GRIA3: variants seen among roughly 807,000 people sequenced by gnomAD.
GRIA3 encodes glutamate ionotropic receptor AMPA type subunit 3.
GRIA3 carries 3 observed loss-of-function variants against 63.0 expected under a neutral mutation model. The observed-to-expected ratio is 0.05, with a 90% CI of 0.02 to 0.12. The LOEUF (loss-of-function observed/expected upper bound fraction) is 0.12, where lower values mean the gene tolerates loss of function less well. Ranked by LOEUF, GRIA3 falls within the 10% of genes least tolerant of loss-of-function variation. The pLI is 1.00. For synonymous variants in GRIA3, 274 were observed against 257.9 expected (o/e 1.06, Z -0.60); for missense variants, 347 against 700.9 (o/e 0.50, Z 5.70).
At chrX:123,394,871 G>C in intron 5 of GRIA3, 97 bp from the exon 6 acceptor site, 3 of 615,785 alleles carry the variant, frequency 4.9e-6, no homozygotes, top group South Asian at 4.7e-5. Flanking sequence ...AATGATCCTA[G>C]GGAAGGAGCT....
At chrX:123,401,069 A>G in intron 7 of GRIA3, among the ~76,000 whole-genome samples, 1 of 112,065 alleles carries the variant, frequency 8.9e-6, no homozygotes, top group East Asian at 2.8e-4. Context: ...ATAGATTATA[A>G]AAATGTTATG....
intron 2 of GRIA3, among the ~76,000 whole-genome samples, chrX:123,224,069 T>C (rs1376528392): frequency 8.9e-6 from 1 of 111,949 alleles, no homozygotes; most frequent in Non-Finnish European, 1.9e-5. Context: ...CTGTGGTTAG[T>C]TTTCAGTTCT....
intron 3 of GRIA3, among the ~76,000 whole-genome samples, chrX:123,315,414 C>A (rs1479975967): frequency 2.7e-5 from 3 of 112,099 alleles, no homozygotes; most frequent in Non-Finnish European, 5.6e-5. Flanking sequence ...CAAATTTAGA[C>A]AATCACTATA....
chrX:123,459,408 T>C lies in GRIA3; in HGVS notation c.2077-5457T>C, dbSNP rs943448370. On this transcript the variant is annotated intron_variant, in intron 12 of 15. Coordinates refer to ENST00000620443, the MANE Select transcript of GRIA3 (RefSeq NM_007325.5). ...ACTCACAGGGCCCAAGATTCAAATC[T>C]TCACATCAACAAAAAGACAGATTTC... is the stretch of plus-strand genomic sequence containing the variant. Among the ~76,000 whole-genome samples the C allele has an allele frequency of 8.0e-5, 9 of 112,021 alleles. No homozygotes were observed. In the Admixed American group the frequency reaches 8.5e-4, roughly 11 times the overall value.
chrX:123,390,375 G>A (rs2045378870), intron 5 of GRIA3, among the ~76,000 whole-genome samples: 1 of 111,823 alleles, frequency 8.9e-6, no homozygotes, highest in Non-Finnish European at 1.9e-5. Context: ...ATTTATGAAA[G>A]GCAACTTTCT....
At chrX:123,226,067 T>G (rs1023504494) in intron 2 of GRIA3, among the ~76,000 whole-genome samples, 2 of 111,417 alleles carry the variant, frequency 1.8e-5, no homozygotes, top group Admixed American at 1.9e-4. Flanking sequence ...GACAAACACT[T>G]ATAGTCTTTT....
At chrX:123,291,233 G>A (rs2044654022) in intron 3 of GRIA3, among the ~76,000 whole-genome samples, 1 of 111,465 alleles carries the variant, frequency 9.0e-6, no homozygotes, top group Admixed American at 9.6e-5. Context: ...AGCCTTGAAG[G>A]TGCTGGAAGC....
intron 3 of GRIA3, among the ~76,000 whole-genome samples, chrX:123,298,087 T>C (rs1267189977): frequency 8.9e-6 from 1 of 111,807 alleles, no homozygotes; most frequent in Non-Finnish European, 1.9e-5. Flanking sequence ...TGCTGCATAG[T>C]ATTGCATGGT....
intron 2 of GRIA3, among the ~76,000 whole-genome samples, chrX:123,228,857 G>C (rs1241204410): frequency 8.9e-6 from 1 of 111,852 alleles, no homozygotes. Flanking sequence ...ATTGCTGATG[G>C]AGTGAAGTTA....
chrX:123,380,132 G>A (rs148625068), intron 5 of GRIA3, among the ~76,000 whole-genome samples: 11,054 of 110,938 alleles, frequency 0.1, 504 homozygotes, highest in Non-Finnish European at 0.14. Flanking sequence ...ATAGCAGCAC[G>A]ATTTATAATC....
chrX:123,427,922 T>C lies in GRIA3; in HGVS notation c.1878-19T>C. The C allele has an allele frequency of 8.7e-7, 1 of 1,152,017 alleles. No homozygotes were observed. Among genetic ancestry groups the C allele is most frequent in the Non-Finnish European group, 1.2e-6 (1 of 841,391 alleles). The allele number at this position is 1,152,017 out of a possible 1,213,427, so 94.9% of individuals were successfully genotyped here. ...TCTGGCCCCTCTGGGTCTGGATTTG[T>C]TTTTGTTTTGTTTTATAGATCACTC... On this transcript the variant is annotated intron_variant, in intron 11 of 15. Coordinates refer to ENST00000620443, the MANE Select transcript of GRIA3 (RefSeq NM_007325.5).
intron 12 of GRIA3, among the ~76,000 whole-genome samples, chrX:123,432,393 T>C (rs986335410): frequency 8.9e-6 from 1 of 112,571 alleles, no homozygotes; most frequent in African/African-American, 3.2e-5. Flanking sequence ...TCCAATATTT[T>C]ATTTATACCA....
chrX:123,216,715 A>G (rs1312477609), intron 2 of GRIA3, among the ~76,000 whole-genome samples: 2 of 112,143 alleles, frequency 1.8e-5, no homozygotes, highest in African/African-American at 3.2e-5. Context: ...GGCTCTACGA[A>G]TAGCACAGAT....
At position 123,483,105 on chromosome X, in the gene GRIA3, TTTC is replaced by T. The variant is rs1254505454; in HGVS notation, c.*2+65_*2+67del. The stretch of plus-strand genomic sequence containing the variant: ...ACTTTACTGTATGTCAATCTCTTTT[TTTC>T]TTCTTTTTTTTTTTTTTTAGTTTGG... On this transcript the variant is annotated intron_variant, in intron 15 of 15. Transcript: ENST00000620443. The T allele has an allele frequency of 7.8e-5, 77 of 986,801 alleles. No individual in the cohort carries two copies. In the African/African-American group the frequency reaches 1.1e-3, roughly 14 times the overall value. 81.3% of individuals were successfully genotyped at this position (986,801 alleles called of 1,213,427 possible).
At chrX:123,247,453 TG>T (rs1478379822) in intron 2 of GRIA3, among the ~76,000 whole-genome samples, 1 of 111,342 alleles carries the variant, frequency 9.0e-6, no homozygotes, top group African/African-American at 3.3e-5. Context: ...GGAACGCAGC[TG>T]GGGAGCTACA....
Position 123,372,189 on chromosome X carries a change from G to T in GRIA3, c.750+17226G>T, listed in dbSNP as rs550747385. On this transcript the variant is annotated intron_variant, in intron 5 of 15. Transcript: ENST00000620443. ...TTTGTTGAAAATGAGTTAACTGTAG[G>T]TGTGTGGATTTGTTTCTGGGTTCTC... Among the ~76,000 whole-genome samples, 6 of 111,615 alleles carry T rather than the reference G, an allele frequency of 5.4e-5. No individual in the cohort carries two copies. The East Asian group carries it at 1.1e-3, about 21-fold the overall frequency.
chrX:123,456,864 T>C (rs2045764681), intron 12 of GRIA3, among the ~76,000 whole-genome samples: 1 of 111,539 alleles, frequency 9.0e-6, no homozygotes. Flanking sequence ...AAGTGTTCCG[T>C]TCAGGCAGAT....
chrX:123,313,623 T>C (rs1237271244), intron 3 of GRIA3, among the ~76,000 whole-genome samples: 1 of 111,743 alleles, frequency 8.9e-6, no homozygotes, highest in Non-Finnish European at 1.9e-5. Flanking sequence ...AAGAGGTTTA[T>C]CTTGGCCTTG....
At chrX:123,187,974 G>A (rs771077911) in intron 2 of GRIA3, among the ~76,000 whole-genome samples, 2 of 112,191 alleles carry the variant, frequency 1.8e-5, no homozygotes, top group East Asian at 5.6e-4. Flanking sequence ...ATCCCTCACC[G>A]TAAATTCATA....
Sources: gnomAD v4.1 joint callset for allele counts (sites outside exome capture counted in the v4.1 genomes callset) on GRCh38, gnomAD v4.1.1 for gene constraint, MANE v1.5 for transcripts, NCBI Gene and HGNC (gene_info 2026-07-23, HGNC 2026-07-21) for gene names.